Variants in GLI3 observed in about 807,000 individuals in gnomAD.
GLI3 encodes GLI family zinc finger 3.
Under a neutral mutation model 100.8 loss-of-function variants are expected in GLI3, and 20 were observed. That is an observed-to-expected ratio of 0.20 (90% CI 0.14 to 0.29). The LOEUF (loss-of-function observed/expected upper bound fraction) is 0.29. GLI3 is among the 10% of genes least tolerant of loss of function. The pLI, the probability that GLI3 is intolerant of heterozygous loss-of-function variation, is 1.00. For synonymous variants in GLI3, 938 were observed against 860.5 expected, an observed-to-expected ratio of 1.09 and a Z score of -1.58; for missense variants, 2,040 against 2,128.5, an observed-to-expected ratio of 0.96 and a Z score of 0.82.
chr7:42,078,191 TG>T (rs1294285778), intron 3 of GLI3, among the ~76,000 whole-genome samples: 1 of 152,156 alleles, frequency 6.6e-6, no homozygotes, highest in Non-Finnish European at 1.5e-5. Flanking sequence ...TGGGTGGAAA[TG>T]GATGATTATT....
chr7:42,262,197 T>TTTTCCTTCCTTCC (rs1789149724), intron 1 of GLI3, among the ~76,000 whole-genome samples: 1 of 33,614 alleles, frequency 3.0e-5, no homozygotes, highest in Non-Finnish European at 7.8e-5. Flanking sequence ...TTTTATTTTT[T>TTTTCCTTCCTTCC]TTCCTTCCTT....
rs779300306 is a variant in GLI3, at chr7:41,965,738, A to G, written c.3335T>C (p.Phe1112Ser). The part of the protein sequence containing the change: ...SQNQAGYEQH[F>S]PSALPDDSKV... ...GCTGTCGTCCGGGAGGGCGCTGGGG[A>G]AGTGCTGCTCGTACCCTGCTTGGTT... The change falls in exon 15 of 15, where the codon TTC becomes TCC. Residue 1112 changes from phenylalanine (F) to serine (S), a missense_variant. By Grantham distance (155) the Phe-to-Ser change is radical (BLOSUM62 -2). Coordinates refer to ENST00000395925, the MANE Select transcript of GLI3 (RefSeq NM_000168.6). 15 of 1,613,300 alleles carry G rather than the reference A, an allele frequency of 9.3e-6. No homozygotes were observed. The highest frequency in any genetic ancestry group is 1.3e-5 in the Non-Finnish European group (15 of 1,179,890).
intron 10 of GLI3, among the ~76,000 whole-genome samples, chr7:42,016,863 G>T (rs991067343): frequency 6.6e-6 from 1 of 152,102 alleles, no homozygotes; most frequent in African/African-American, 2.4e-5. Context: ...CCATAGAGTC[G>T]CAATACACAA....
chr7:42,063,473 T>C (rs958208555), intron 4 of GLI3, among the ~76,000 whole-genome samples: 5 of 152,132 alleles, frequency 3.3e-5, no homozygotes, highest in African/African-American at 1.2e-4. Flanking sequence ...TTTTTAAACA[T>C]GTATCATTCC....
Position 41,964,555 on chromosome 7 carries a change from G to C in GLI3, c.4518C>G (p.Phe1506Leu). ...SHDLEGVQID[F>L]DAIIDDGDHS... ...GGTCCCCATCGTCTATGATGGCATCGAAGTCAATCTGTACCCCTTCCAGGT... is the reference window on the plus strand; with the variant it reads ...GGTCCCCATCGTCTATGATGGCATCCAAGTCAATCTGTACCCCTTCCAGGT... The change falls in exon 15 of 15, where the codon TTC (phenylalanine) becomes TTG (leucine). Residue 1506 changes from phenylalanine (F) to leucine (L), a missense_variant. This residue lies in a region of GLI3 where 1,041 missense variants were observed against 924.0 expected (regional missense o/e 1.13). Coordinates refer to ENST00000395925, the MANE Select transcript of GLI3 (RefSeq NM_000168.6). The C allele has an allele frequency of 6.2e-7, 1 of 1,613,700 alleles. No individual in the cohort carries two copies. Among genetic ancestry groups the C allele is most frequent in the Non-Finnish European group, 8.5e-7 (1 of 1,179,594 alleles).
chr7:42,138,187 T>C (rs1786475963), intron 3 of GLI3, among the ~76,000 whole-genome samples: 1 of 152,140 alleles, frequency 6.6e-6, no homozygotes, highest in Non-Finnish European at 1.5e-5. Flanking sequence ...TGAAAATAAA[T>C]ATCATGCATC....
At chr7:42,118,675 T>C (rs922628837) in intron 3 of GLI3, among the ~76,000 whole-genome samples, 1 of 152,160 alleles carries the variant, frequency 6.6e-6, no homozygotes, top group Admixed American at 6.5e-5. Flanking sequence ...GTGATCATCT[T>C]GACACCTTGA....
chr7:42,196,081 C>A (rs12670953), intron 2 of GLI3, among the ~76,000 whole-genome samples: 4 of 152,192 alleles, frequency 2.6e-5, no homozygotes, highest in Non-Finnish European at 5.9e-5. Flanking sequence ...CCTATCCTCA[C>A]TAATATCCAA....
chr7:41,969,924 T>C (rs1338271819), intron 13 of GLI3, among the ~76,000 whole-genome samples: 1 of 152,202 alleles, frequency 6.6e-6, no homozygotes, highest in Admixed American at 6.5e-5. Context: ...CCCAGTGTGA[T>C]TTGTTATGGA....
intron 10 of GLI3, among the ~76,000 whole-genome samples, chr7:42,005,476 C>CACACACACAA (rs1460997557): frequency 6.6e-6 from 1 of 151,790 alleles, no homozygotes; most frequent in Non-Finnish European, 1.5e-5. Context: ...CACACACACA[C>CACACACACAA]ACACACACAC....
intron 2 of GLI3, among the ~76,000 whole-genome samples, chr7:42,221,163 T>C (rs1788478812): frequency 6.6e-6 from 1 of 152,182 alleles, no homozygotes; most frequent in Non-Finnish European, 1.5e-5. Flanking sequence ...GTGGGGCTGG[T>C]CAGATTAGTT....
chr7:42,094,025 G>A (rs1397469115), intron 3 of GLI3, among the ~76,000 whole-genome samples: 1 of 152,012 alleles, frequency 6.6e-6, no homozygotes, highest in African/African-American at 2.4e-5. Flanking sequence ...GGGCGCAAAA[G>A]TCAAGCAGGA....
At chr7:42,004,174 G>A (rs754938051) in intron 10 of GLI3, among the ~76,000 whole-genome samples, 7 of 152,048 alleles carry the variant, frequency 4.6e-5, no homozygotes, top group Non-Finnish European at 2.9e-5. Context: ...AATAATAAAG[G>A]TTGAACCCCA....
chr7:41,973,210 C>T (rs923485805), intron 12 of GLI3, among the ~76,000 whole-genome samples: 1 of 152,166 alleles, frequency 6.6e-6, no homozygotes, highest in Non-Finnish European at 1.5e-5. Flanking sequence ...CTTTGGGTAG[C>T]ATTACAAGTG....
intron 3 of GLI3, among the ~76,000 whole-genome samples, chr7:42,088,080 G>C (rs1785142544): frequency 6.6e-6 from 1 of 152,136 alleles, no homozygotes; most frequent in African/African-American, 2.4e-5. Flanking sequence ...TTGGCTCATG[G>C]GAGTACAAGT....
At chr7:41,994,943 T>C (rs1314660707) in intron 10 of GLI3, among the ~76,000 whole-genome samples, 1 of 152,234 alleles carries the variant, frequency 6.6e-6, no homozygotes, top group East Asian at 1.9e-4. Context: ...TTTAGTGTGG[T>C]TATACCAGAG....
At chr7:42,233,358 G>A (rs1477691525) in intron 1 of GLI3, among the ~76,000 whole-genome samples, 1 of 152,208 alleles carries the variant, frequency 6.6e-6, no homozygotes, top group East Asian at 1.9e-4. Flanking sequence ...TGCAAACTGT[G>A]AGAGTCTACA....
At chr7:42,237,911 G>C (rs1788854681), upstream of GLI3, 1 of 147,994 alleles carries the variant, frequency 6.8e-6, no homozygotes, top group Non-Finnish European at 1.5e-5. Flanking sequence ...CGCGTCGCGG[G>C]CCGGGGTCGG....
At chr7:41,985,258 G>A (rs1430779445) in intron 10 of GLI3, among the ~76,000 whole-genome samples, 2 of 152,220 alleles carry the variant, frequency 1.3e-5, no homozygotes, top group Non-Finnish European at 2.9e-5. Context: ...AACTGGAAAT[G>A]TTTGATAGTT....
Sources: gnomAD v4.1 joint callset for allele counts (sites outside exome capture counted in the v4.1 genomes callset) on GRCh38, gnomAD v4.1.1 for gene constraint, gnomAD v4.1.1 regional missense constraint, MANE v1.5 for transcripts, NCBI Gene and HGNC (gene_info 2026-07-23, HGNC 2026-07-21) for gene names.